The following SELENOO variants were observed in gnomAD, a reference collection of about 807,000 sequenced individuals.
The protein encoded by SELENOO is protein adenylyltransferase SelO, mitochondrial.
In SELENOO, 74 loss-of-function variants were observed where a neutral mutation model predicts 58.7. That is an observed-to-expected ratio of 1.26 (90% CI 1.04 to 1.53). SELENOO has a LOEUF of 1.53. Ranked by LOEUF, SELENOO falls within the 40% of genes most tolerant of loss-of-function variation. SELENOO has a pLI of 0.00. For synonymous variants in SELENOO, 543 were observed against 453.2 expected (o/e 1.20, Z -2.52); for missense variants, 1,149 against 970.0 (o/e 1.18, Z -2.45).
At position 50,206,342 on chromosome 22, in the gene SELENOO, C is replaced by G; in HGVS notation, c.580C>G (p.Arg194Gly). Residue 194 changes from arginine (R) to glycine (G), a missense_variant, in exon 2 of 9, where the codon CGG (arginine) becomes GGG (glycine). By Grantham distance (125) the Arg-to-Gly change is moderately radical. Coordinates refer to ENST00000380903, the MANE Select transcript of SELENOO (RefSeq NM_031454.2). The part of the protein sequence containing the change: ...SRQADGRKVL[R>G]SSIREFLCSE... ...ACAGGCCGACGGTCGCAAGGTCCTACGGTCAAGCATCCGGGAGTTTCTATG... is the reference window on the plus strand; with the variant it reads ...ACAGGCCGACGGTCGCAAGGTCCTAGGGTCAAGCATCCGGGAGTTTCTATG... 2 of 1,613,998 alleles carry G rather than the reference C, an allele frequency of 1.2e-6. No individual in the cohort carries two copies. Among genetic ancestry groups the G allele is most frequent in the Non-Finnish European group, 1.7e-6 (2 of 1,180,038 alleles).
chr22:50,214,001 T>C (rs547871110), intron 5 of SELENOO, among the ~76,000 whole-genome samples: 2 of 152,370 alleles, frequency 1.3e-5, no homozygotes, highest in East Asian at 3.9e-4. Flanking sequence ...ACTCTTACTA[T>C]AGATAGAACT....
intron 5 of SELENOO, 91 bp downstream of exon 5, chr22:50,211,002 A>C (rs1057130264): frequency 3.4e-5 from 48 of 1,420,454 alleles, no homozygotes; most frequent in Non-Finnish European, 4.6e-5. Flanking sequence ...TTCCAAGTGC[A>C]CAGTCACTCC....
In SELENOO at chr22:50,216,419, C is replaced by T. The variant is rs181675219; in HGVS notation, c.1503-272C>T. On this transcript the variant is annotated intron_variant, in intron 6 of 8. Coordinates refer to ENST00000380903, the MANE Select transcript of SELENOO (RefSeq NM_031454.2). ...GTGCCCATCCCACAAGCATTAAACTCGGGAGGTGGAGACTCTCCAGCAGAA... is the reference window on the plus strand; with the variant it reads ...GTGCCCATCCCACAAGCATTAAACTTGGGAGGTGGAGACTCTCCAGCAGAA... Among the ~76,000 whole-genome samples the T allele has an allele frequency of 3.1e-4, 47 of 152,360 alleles. 1 individual carries two copies. In the East Asian group the frequency reaches 3.3e-3, roughly 11 times the overall value.
intron 5 of SELENOO, among the ~76,000 whole-genome samples, chr22:50,214,659 G>A (rs2064393441): frequency 6.6e-6 from 1 of 152,176 alleles, no homozygotes; most frequent in Non-Finnish European, 1.5e-5. Context: ...CAGCTACTCG[G>A]GAGGCTGAGG....
At chr22:50,204,348 C>T (rs4838861) in intron 1 of SELENOO, among the ~76,000 whole-genome samples, 86,621 of 151,654 alleles carry the variant, frequency 0.57, 24,704 homozygotes, top group South Asian at 0.69. Flanking sequence ...AAAGGTTGGT[C>T]GGGCACAGTG....
chr22:50,201,523 G>A lies in SELENOO; in HGVS notation c.487G>A (p.Val163Met). 1.4e-6 allele frequency: 2 copies of A among 1,426,002 alleles called. No individual in the cohort carries two copies. The highest frequency in any genetic ancestry group is 1.8e-6 in the Non-Finnish European group (2 of 1,088,802). 88.3% of individuals were successfully genotyped at this position (1,426,002 alleles called of 1,614,324 possible). Residue 163 changes from valine to methionine, a missense_variant, in exon 1 of 9, where the codon GTG (valine) becomes ATG (methionine). Val to Met is a conservative substitution (Grantham distance 21). Transcript: ENST00000380903. ...CGGCGCCGCCATGTACCTGGGCGAGGTGTGCACGGCGACCGGCGAGCGCTG... is the reference window on the plus strand; with the variant it reads ...CGGCGCCGCCATGTACCTGGGCGAGATGTGCACGGCGACCGGCGAGCGCTG... Reference protein sequence around the residue: ...GDGAAMYLGEVCTATGERWEL... With the variant: ...GDGAAMYLGEMCTATGERWEL...
chr22:50,216,745 T>C lies in SELENOO; in HGVS notation c.1557T>C (p.Leu519=), dbSNP rs1194977556. ...LAQSNPQLFA[L]MGTRAGIARE... is the part of the protein sequence containing the mutation. ...AGTCAAACCCGCAGCTGTTCGCGCT[T>C]ATGGGCACCCGGGCAGGCATCGCCA... Residue 519 remains leucine (L), a synonymous_variant, in exon 7 of 9, where the codon CTT becomes CTC. Coordinates refer to ENST00000380903, the MANE Select transcript of SELENOO (RefSeq NM_031454.2). 14 of 1,607,274 alleles carry C rather than the reference T, an allele frequency of 8.7e-6. No homozygotes were observed. Among genetic ancestry groups the C allele is most frequent in the Non-Finnish European group, 1.2e-5 (14 of 1,179,132 alleles).
At chr22:50,214,559 C>T (rs1209861712) in intron 5 of SELENOO, among the ~76,000 whole-genome samples, 1 of 152,056 alleles carries the variant, frequency 6.6e-6, no homozygotes, top group Non-Finnish European at 1.5e-5. Flanking sequence ...GCTGAGATCA[C>T]GCCACTGCAC....
At position 50,217,070 on chromosome 22, in the gene SELENOO, T is replaced by C; in HGVS notation, c.1787T>C (p.Leu596Pro). Residue 596 changes from leucine to proline, a missense_variant, in exon 8 of 9, where the codon CTG becomes CCG. Coordinates refer to ENST00000380903, the MANE Select transcript of SELENOO (RefSeq NM_031454.2). ...CACGCCAACAACCCGAAGTACGTGC[T>C]GAGGAACTACATCGCGCAGAATGCC... ...VMHANNPKYV[L>P]RNYIAQNAIE... 6.8e-6 allele frequency: 11 copies of C among 1,612,922 alleles called. No homozygotes were observed. Among genetic ancestry groups the C allele is most frequent in the South Asian group, 2.2e-5 (2 of 91,092 alleles).
intron 5 of SELENOO, among the ~76,000 whole-genome samples, chr22:50,211,911 C>T (rs887469977): frequency 7.2e-5 from 11 of 152,218 alleles, no homozygotes; most frequent in Non-Finnish European, 1.3e-4. Context: ...CCGTGTTGGT[C>T]AGGCTGGTCT....
intron 5 of SELENOO, among the ~76,000 whole-genome samples, chr22:50,212,888 G>C (rs1402887060): frequency 6.6e-6 from 1 of 152,080 alleles, no homozygotes; most frequent in Non-Finnish European, 1.5e-5. Context: ...GAGTTACGCA[G>C]CGTGTGCCTG....
At position 50,210,748 on chromosome 22, in the gene SELENOO, A is replaced by G. The variant is rs2064364797; in HGVS notation, c.1188A>G (p.Glu396=). 1 of 1,613,666 alleles carries G rather than the reference A, an allele frequency of 6.2e-7. No homozygotes were observed. The highest frequency in any genetic ancestry group is 2.2e-5 in the East Asian group (1 of 44,882). The change falls in exon 5 of 9, where the codon GAA becomes GAG. Residue 396 remains glutamate, a synonymous_variant. Transcript: ENST00000380903. The stretch of plus-strand genomic sequence containing the variant: ...AGCTGGCCGAGGCCCTGCAGCCGGA[A>G]CTGCCCCTGGAGCTGGGGGAGGCCA... ...LRKLAEALQP[E]LPLELGEAIL...
At position 50,201,544 on chromosome 22, in the gene SELENOO, C is replaced by T. The variant is rs1345475491; in HGVS notation, c.508C>T (p.Arg170Cys). The change falls in exon 1 of 9, where the codon CGC becomes TGC. Residue 170 changes from arginine to cysteine, a missense_variant. Coordinates refer to ENST00000380903, the MANE Select transcript of SELENOO (RefSeq NM_031454.2). The stretch of plus-strand genomic sequence containing the variant: ...CGAGGTGTGCACGGCGACCGGCGAG[C>T]GCTGGGAGCTGCAGCTCAAGGGCGC... ...LGEVCTATGE[R>C]WELQLKGAGP... 1 of 1,388,760 alleles carries T rather than the reference C, an allele frequency of 7.2e-7. No homozygotes were observed. The highest frequency in any genetic ancestry group is 1.5e-5 in the South Asian group (1 of 66,810). The allele number at this position is 1,388,760 out of a possible 1,614,324, so 86.0% of individuals were successfully genotyped here.
At chr22:50,206,109 C>G (rs1422212432) in intron 1 of SELENOO, 5 of 598,280 alleles carry the variant, frequency 8.4e-6, no homozygotes, top group African/African-American at 1.9e-5. Context: ...AGAGGCTGTG[C>G]CGACAACCTG....
At chr22:50,202,156 C>T (rs1270690796) in intron 1 of SELENOO, among the ~76,000 whole-genome samples, 1 of 152,224 alleles carries the variant, frequency 6.6e-6, no homozygotes, top group Non-Finnish European at 1.5e-5. Context: ...GTCTGTTCTG[C>T]TCTTTTCTAC....
At chr22:50,206,276 T>A (rs761917721) in intron 1 of SELENOO, 41 bp from the exon 2 acceptor site, 6 of 1,583,742 alleles carry the variant, frequency 3.8e-6, no homozygotes, top group South Asian at 1.1e-5. Flanking sequence ...TTGGGTGACC[T>A]CCTGACCGGC....
intron 5 of SELENOO, among the ~76,000 whole-genome samples, chr22:50,212,873 A>C (rs1033447953): frequency 6.6e-6 from 1 of 151,120 alleles, no homozygotes; most frequent in East Asian, 1.9e-4. Context: ...ATCTTCGTGT[A>C]AGTGGAGTTA....
chr22:50,215,387 C>G (rs2147166865), intron 5 of SELENOO, among the ~76,000 whole-genome samples: 1 of 151,458 alleles, frequency 6.6e-6, no homozygotes, highest in South Asian at 2.1e-4. Flanking sequence ...CTCAGGAGTC[C>G]CAGGACCAAT....
chr22:50,210,162 G>A lies in SELENOO; in HGVS notation c.940-19G>A. 1.2e-6 allele frequency: 2 copies of A among 1,609,946 alleles called. No individual in the cohort carries two copies. The highest frequency in any genetic ancestry group is 1.7e-6 in the Non-Finnish European group (2 of 1,177,952). On this transcript the variant is annotated intron_variant, in intron 3 of 8. Transcript: ENST00000380903. ...GGGCAGGACCCCGAGGAGGGAGCAA[G>A]CACACTGTCCCACCCCAGGTGACGC...
Sources: allele counts gnomAD v4.1 joint callset (sites outside exome capture counted in the v4.1 genomes callset), GRCh38; gene constraint gnomAD v4.1.1; transcripts MANE v1.5; gene names NCBI Gene and HGNC (gene_info 2026-07-23, HGNC 2026-07-21).